The following MDFIC variants were observed in gnomAD, a reference collection of about 807,000 sequenced individuals.
MDFIC encodes the protein myoD family inhibitor domain-containing protein.
In MDFIC, 17 loss-of-function variants were observed where a neutral mutation model predicts 23.2. The observed-to-expected ratio is 0.73, with a 90% CI of 0.50 to 1.10. The LOEUF is 1.10. Ranked by LOEUF, MDFIC falls within the 50% of genes least tolerant of loss-of-function variation. The pLI, the probability that MDFIC is intolerant of heterozygous loss-of-function variation, is 0.00. For synonymous variants in MDFIC, 120 were observed against 115.2 expected (o/e 1.04, Z -0.27); for missense variants, 356 against 316.6 (o/e 1.12, Z -0.95).
chr7:114,957,632 TA>T (rs1792908971), intron 3 of MDFIC, among the ~76,000 whole-genome samples: 1 of 152,176 alleles, frequency 6.6e-6, no homozygotes, highest in Non-Finnish European at 1.5e-5. Flanking sequence ...GATGTTAAAA[TA>T]AATTGCTGAT....
At chr7:114,965,075 G>A (rs530393618) in intron 3 of MDFIC, among the ~76,000 whole-genome samples, 88 of 152,230 alleles carry the variant, frequency 5.8e-4, no homozygotes, top group African/African-American at 2.1e-3. Flanking sequence ...GGTTCCCAGC[G>A]GAACAATTTA....
At chr7:114,955,227 T>A (rs1378685070) in intron 3 of MDFIC, among the ~76,000 whole-genome samples, 1 of 152,226 alleles carries the variant, frequency 6.6e-6, no homozygotes, top group Non-Finnish European at 1.5e-5. Context: ...TAAGCAAATT[T>A]GGATGATTGA....
chr7:114,932,290 A>G (rs143217660), intron 2 of MDFIC, among the ~76,000 whole-genome samples: 22 of 152,312 alleles, frequency 1.4e-4, no homozygotes, highest in African/African-American at 4.8e-4. Flanking sequence ...TGGAGGGTAA[A>G]GAGACTGAGG....
chr7:114,928,545 G>A (rs986816697), intron 2 of MDFIC, among the ~76,000 whole-genome samples: 4 of 152,180 alleles, frequency 2.6e-5, no homozygotes, highest in Non-Finnish European at 4.4e-5. Context: ...AGAAAACAAG[G>A]CTTGGGGGAG....
At chr7:114,961,418 G>A (rs960079327) in intron 3 of MDFIC, among the ~76,000 whole-genome samples, 1 of 152,140 alleles carries the variant, frequency 6.6e-6, no homozygotes, top group Non-Finnish European at 1.5e-5. Context: ...TGAAAGCAGA[G>A]GGGATTATGA....
intron 4 of MDFIC, among the ~76,000 whole-genome samples, chr7:114,990,669 G>A (rs141757958): frequency 0.029 from 4,344 of 152,242 alleles, 115 homozygotes; most frequent in African/African-American, 0.065. Flanking sequence ...CCCTACAAAG[G>A]ACATGAACTC....
At chr7:114,964,768 C>T (rs904297887) in intron 3 of MDFIC, among the ~76,000 whole-genome samples, 2 of 152,138 alleles carry the variant, frequency 1.3e-5, no homozygotes, top group African/African-American at 4.8e-5. Flanking sequence ...CCAGGCTGGT[C>T]TCGAACTCGT....
At chr7:114,972,420 T>C (rs1006574133) in intron 3 of MDFIC, among the ~76,000 whole-genome samples, 3 of 152,092 alleles carry the variant, frequency 2.0e-5, no homozygotes, top group Non-Finnish European at 4.4e-5. Context: ...CCCTTAGACC[T>C]GAGTAAACTG....
intron 3 of MDFIC, among the ~76,000 whole-genome samples, chr7:114,950,840 T>A (rs1005801584): frequency 2.6e-5 from 4 of 152,184 alleles, no homozygotes; most frequent in African/African-American, 9.7e-5. Flanking sequence ...TGGGTTTTTA[T>A]CAATGTTTCT....
At chr7:115,011,211 T>C (rs1791674991) in intron 4 of MDFIC, among the ~76,000 whole-genome samples, 1 of 152,152 alleles carries the variant, frequency 6.6e-6, no homozygotes, top group Non-Finnish European at 1.5e-5. Context: ...GAAAATTTCC[T>C]AAATTTTCTG....
intron 4 of MDFIC, among the ~76,000 whole-genome samples, chr7:114,984,107 G>C (rs1381221681): frequency 6.6e-6 from 1 of 151,898 alleles, no homozygotes; most frequent in African/African-American, 2.4e-5. Context: ...TGTGACTAAA[G>C]TTTTCTGAAA....
rs982795143 is a variant in MDFIC at position 114,922,398 on chromosome 7, G to A, written c.-346G>A. 1 of 1,237,930 alleles carries A rather than the reference G, an allele frequency of 8.1e-7. No individual in the cohort carries two copies. Among genetic ancestry groups the A allele is most frequent in the South Asian group, 4.0e-5 (1 of 24,704 alleles). The allele number at this position is 1,237,930 out of a possible 1,614,324, so 76.7% of individuals were successfully genotyped here. On this transcript the variant is annotated 5_prime_UTR_variant, in exon 1 of 5. Coordinates refer to ENST00000393486, the MANE Select transcript of MDFIC (RefSeq NM_001166345.3). ...CAGGGGAGCCGGCTGGAGTGAGCTG[G>A]CTGGAAAGAGGGGGCGGAGTGCGCG...
intron 2 of MDFIC, among the ~76,000 whole-genome samples, chr7:114,924,664 T>C (rs1792156187): frequency 6.6e-6 from 1 of 152,228 alleles, no homozygotes; most frequent in Admixed American, 6.5e-5. Flanking sequence ...GCCTTAGCTT[T>C]AGCAACATAG....
At chr7:114,934,707 T>C (rs1279293388) in intron 2 of MDFIC, among the ~76,000 whole-genome samples, 1 of 152,218 alleles carries the variant, frequency 6.6e-6, no homozygotes, top group African/African-American at 2.4e-5. Context: ...ATTTTAGCAT[T>C]TGATTTACTC....
At chr7:115,003,792 T>G (rs1030419949) in intron 4 of MDFIC, among the ~76,000 whole-genome samples, 1 of 152,210 alleles carries the variant, frequency 6.6e-6, no homozygotes, top group Non-Finnish European at 1.5e-5. Context: ...AAGACATAAC[T>G]CAGGAATCAC....
intron 3 of MDFIC, among the ~76,000 whole-genome samples, chr7:114,971,188 G>GT (rs1476902105): frequency 6.6e-6 from 1 of 152,160 alleles, no homozygotes; most frequent in East Asian, 1.9e-4. Context: ...TTTCTGCAGA[G>GT]TACCATGAAG....
At chr7:114,943,073 T>A (rs1390043594) in intron 3 of MDFIC, among the ~76,000 whole-genome samples, 1 of 152,232 alleles carries the variant, frequency 6.6e-6, no homozygotes. Context: ...GGTGTAAAGA[T>A]TGCTGCTAAG....
intron 4 of MDFIC, among the ~76,000 whole-genome samples, chr7:114,980,929 T>A (rs1793406571): frequency 6.6e-6 from 1 of 152,218 alleles, no homozygotes; most frequent in Non-Finnish European, 1.5e-5. Flanking sequence ...GTTAGGTTGA[T>A]CAAATGATAT....
At chr7:115,013,260 G>T (rs962973075) in intron 4 of MDFIC, among the ~76,000 whole-genome samples, 1 of 152,142 alleles carries the variant, frequency 6.6e-6, no homozygotes, top group Non-Finnish European at 1.5e-5. Flanking sequence ...TAAGACAGTG[G>T]TTACTTCTAT....
Sources: gnomAD v4.1 joint callset for allele counts (sites outside exome capture counted in the v4.1 genomes callset) on GRCh38, gnomAD v4.1.1 for gene constraint, MANE v1.5 for transcripts, NCBI Gene and HGNC (gene_info 2026-07-23, HGNC 2026-07-21) for gene names.